MBD5: variants seen among roughly 807,000 people sequenced by gnomAD.
The protein encoded by MBD5 is methyl-CpG-binding domain protein 5.
A neutral mutation model predicts 117.3 loss-of-function variants in MBD5; 13 were observed. The observed-to-expected ratio is 0.11, with a 90% CI of 0.07 to 0.18. The LOEUF (loss-of-function observed/expected upper bound fraction) is 0.18, where lower values mean the gene tolerates loss of function less well. Ranked by LOEUF, MBD5 falls within the 10% of genes least tolerant of loss-of-function variation. MBD5 has a pLI of 1.00. For synonymous variants in MBD5, 727 were observed against 766.4 expected (o/e 0.95, Z 0.85); for missense variants, 1,879 against 2,093.8 (o/e 0.90, Z 2.00).
intron 1 of MBD5, among the ~76,000 whole-genome samples, chr2:148,154,518 C>T (rs76643730): frequency 3.3e-5 from 5 of 152,210 alleles, no homozygotes; most frequent in Admixed American, 6.5e-5. Context: ...ATGGTGGGCG[C>T]CCCTCCCCCA....
At chr2:148,167,686 A>G (rs1041567498) in intron 1 of MBD5, among the ~76,000 whole-genome samples, 4 of 152,212 alleles carry the variant, frequency 2.6e-5, no homozygotes, top group African/African-American at 9.6e-5. Flanking sequence ...AGGATCTCCT[A>G]ATTTTTGTTG....
At chr2:148,280,619 G>T (rs1214353082) in intron 3 of MBD5, among the ~76,000 whole-genome samples, 1 of 151,978 alleles carries the variant, frequency 6.6e-6, no homozygotes, top group Non-Finnish European at 1.5e-5. Flanking sequence ...TTGGTAGAGA[G>T]GGGTTTTGCC....
chr2:148,194,809 A>G (rs2105921375), intron 2 of MBD5, among the ~76,000 whole-genome samples: 1 of 152,136 alleles, frequency 6.6e-6, no homozygotes, highest in East Asian at 1.9e-4. Flanking sequence ...AACAGATGGA[A>G]TAAGTAGAAA....
intron 1 of MBD5, among the ~76,000 whole-genome samples, chr2:148,031,835 C>T (rs1694048191): frequency 6.6e-6 from 1 of 151,926 alleles, no homozygotes; most frequent in African/African-American, 2.4e-5. Flanking sequence ...AAATTTTTTA[C>T]CCAGGTTGAT....
At chr2:148,465,477 G>A (rs543805018) in intron 7 of MBD5, among the ~76,000 whole-genome samples, 1 of 152,248 alleles carries the variant, frequency 6.6e-6, no homozygotes, top group African/African-American at 2.4e-5. Context: ...ATTTGTTTAT[G>A]AGGGATTATT....
At chr2:148,130,963 A>C (rs1574046963) in intron 1 of MBD5, among the ~76,000 whole-genome samples, 1 of 152,238 alleles carries the variant, frequency 6.6e-6, no homozygotes, top group East Asian at 1.9e-4. Context: ...TTAACTGAAA[A>C]CTGCATCCAT....
intron 3 of MBD5, among the ~76,000 whole-genome samples, chr2:148,240,158 A>G (rs866412331): frequency 1.3e-5 from 2 of 152,168 alleles, no homozygotes; most frequent in Admixed American, 1.3e-4. Flanking sequence ...TGAGCAAACT[A>G]TCGCGAGGAC....
intron 1 of MBD5, among the ~76,000 whole-genome samples, chr2:148,147,117 T>C (rs906960720): frequency 6.6e-6 from 1 of 152,108 alleles, no homozygotes; most frequent in Non-Finnish European, 1.5e-5. Flanking sequence ...ATCTAATATT[T>C]GGGTTTCCAT....
intron 1 of MBD5, among the ~76,000 whole-genome samples, chr2:148,102,790 C>T (rs1043726753): frequency 1.0e-4 from 14 of 136,434 alleles, no homozygotes; most frequent in African/African-American, 2.5e-4. Flanking sequence ...AGATCCAAAT[C>T]GTTTGTATAG....
At chr2:148,033,495 A>C (rs1245846236) in intron 1 of MBD5, among the ~76,000 whole-genome samples, 1 of 152,168 alleles carries the variant, frequency 6.6e-6, no homozygotes, top group Non-Finnish European at 1.5e-5. Context: ...CTTAAGTTTT[A>C]AGCCTCTTTG....
intron 3 of MBD5, among the ~76,000 whole-genome samples, chr2:148,253,737 G>C (rs1700519764): frequency 6.6e-6 from 1 of 152,142 alleles, no homozygotes; most frequent in African/African-American, 2.4e-5. Context: ...TTTCAACATG[G>C]CTTTACTCTC....
intron 4 of MBD5, among the ~76,000 whole-genome samples, chr2:148,376,610 A>G (rs973366029): frequency 1.3e-5 from 2 of 149,116 alleles, no homozygotes; most frequent in Non-Finnish European, 3.0e-5. Context: ...CTTAGTGTTT[A>G]TGAAGAAAAA....
chr2:148,088,016 GA>G (rs549142676), intron 1 of MBD5, among the ~76,000 whole-genome samples: 53 of 145,950 alleles, frequency 3.6e-4, no homozygotes, highest in East Asian at 3.6e-3. Context: ...ATATCATAAC[GA>G]AAAAAAAAAT....
At chr2:148,431,420 A>G (rs1011087301) in intron 4 of MBD5, among the ~76,000 whole-genome samples, 1 of 152,100 alleles carries the variant, frequency 6.6e-6, no homozygotes, top group Non-Finnish European at 1.5e-5. Flanking sequence ...TTTGGTGTAC[A>G]CGTGCAGGTT....
intron 1 of MBD5, among the ~76,000 whole-genome samples, chr2:148,046,109 G>A (rs1319487648): frequency 3.3e-5 from 5 of 150,062 alleles, no homozygotes; most frequent in East Asian, 2.0e-4. Flanking sequence ...TCAGCCCCTC[G>A]AGTAGCTGGG....
At chr2:148,024,295 A>G (rs1693841625) in intron 1 of MBD5, among the ~76,000 whole-genome samples, 1 of 152,178 alleles carries the variant, frequency 6.6e-6, no homozygotes, top group Non-Finnish European at 1.5e-5. Context: ...AGCTTTCTCT[A>G]ATACTTATTT....
intron 1 of MBD5, among the ~76,000 whole-genome samples, chr2:148,072,536 A>G (rs958408051): frequency 6.6e-6 from 1 of 152,168 alleles, no homozygotes; most frequent in Non-Finnish European, 1.5e-5. Flanking sequence ...TTTTCTGGGA[A>G]TAGAACATAT....
intron 3 of MBD5, among the ~76,000 whole-genome samples, chr2:148,241,350 G>A (rs1190022499): frequency 6.6e-6 from 1 of 151,994 alleles, no homozygotes; most frequent in African/African-American, 2.4e-5. Flanking sequence ...CCTAAAACGT[G>A]GTCCTTTATG....
chr2:148,210,339 CT>C (rs1285782264), intron 2 of MBD5, among the ~76,000 whole-genome samples: 1 of 151,822 alleles, frequency 6.6e-6, no homozygotes, highest in Non-Finnish European at 1.5e-5. Context: ...TAGAAAAAAA[CT>C]GGTTAATTCT....
Sources: gnomAD v4.1 joint callset for allele counts (sites outside exome capture counted in the v4.1 genomes callset) on GRCh38, gnomAD v4.1.1 for gene constraint, MANE v1.5 for transcripts, NCBI Gene and HGNC (gene_info 2026-07-23, HGNC 2026-07-21) for gene names.